Variants in PACS2 observed in about 807,000 individuals in gnomAD.
The protein encoded by PACS2 is PACS1-like protein.
In PACS2, 36 loss-of-function variants were observed where a neutral mutation model predicts 113.0. That is an observed-to-expected ratio of 0.32 (90% CI 0.24 to 0.42). PACS2 has a LOEUF of 0.42. PACS2 is among the 10% of genes least tolerant of loss of function. The pLI, the probability that PACS2 is intolerant of heterozygous loss-of-function variation, is 1.00. For synonymous variants in PACS2, 589 were observed against 536.1 expected (o/e 1.10, Z -1.36); for missense variants, 1,015 against 1,239.5 (o/e 0.82, Z 2.72).
intron 4 of PACS2, 26 bp from the exon 5 acceptor site, chr14:105,367,187 T>C: frequency 3.1e-6 from 5 of 1,609,944 alleles, no homozygotes; most frequent in Non-Finnish European, 4.2e-6. Flanking sequence ...CGTGCTGCTT[T>C]CTAGAACCGT....
At chr14:105,388,832 G>A (rs2081263888) in intron 19 of PACS2, 1 of 152,446 alleles carries the variant, frequency 6.6e-6, no homozygotes, top group African/African-American at 2.4e-5. Flanking sequence ...GATGCGGTCT[G>A]GCTGAGGAAG....
chr14:105,369,050 C>T (rs1245038553), intron 7 of PACS2, among the ~76,000 whole-genome samples: 1 of 152,222 alleles, frequency 6.6e-6, no homozygotes, highest in African/African-American at 2.4e-5. Context: ...CCTGGACACC[C>T]CAAGGACAGG....
At chr14:105,313,688 T>C (rs1230865011), upstream of PACS2, among the ~76,000 whole-genome samples, 1 of 152,266 alleles carries the variant, frequency 6.6e-6, no homozygotes, top group Non-Finnish European at 1.5e-5. Flanking sequence ...GGGCTGGATT[T>C]GTTTCAGTAA....
At chr14:105,313,174 C>A (rs2058396519), upstream of PACS2, among the ~76,000 whole-genome samples, 1 of 152,194 alleles carries the variant, frequency 6.6e-6, no homozygotes, top group African/African-American at 2.4e-5. Context: ...TACACAGGCA[C>A]CATGTGTCAG....
intron 4 of PACS2, among the ~76,000 whole-genome samples, chr14:105,364,440 G>A (rs1291220095): frequency 2.2e-5 from 3 of 137,170 alleles, no homozygotes; most frequent in Middle Eastern, 3.4e-3. Flanking sequence ...CGCGGTGGGC[G>A]GCGTCCCGGG....
At chr14:105,350,402 C>T (rs1374841518) in intron 2 of PACS2, among the ~76,000 whole-genome samples, 6 of 152,204 alleles carry the variant, frequency 3.9e-5, no homozygotes, top group Admixed American at 3.9e-4. Flanking sequence ...CCCATTCCTT[C>T]CTCTGCCTGT....
intron 8 of PACS2, among the ~76,000 whole-genome samples, chr14:105,374,077 C>G (rs1201099349): frequency 6.6e-6 from 1 of 151,440 alleles, no homozygotes; most frequent in Non-Finnish European, 1.5e-5. Context: ...AACACTTGAA[C>G]CTGGGAGGCA....
At chr14:105,390,179 G>C (rs2081308994) in intron 20 of PACS2, 176 bp downstream of exon 20, 1 of 683,872 alleles carries the variant, frequency 1.5e-6, no homozygotes, top group Non-Finnish European at 2.7e-6. Flanking sequence ...CTGCTGGAGT[G>C]GGGTGTGGGG....
rs1051670572 is a variant in PACS2, at chr14:105,315,116, C to T, written c.119+79C>T. The T allele has an allele frequency of 1.8e-5, 16 of 905,986 alleles. No homozygotes were observed. The highest frequency in any genetic ancestry group is 1.9e-5 in the Non-Finnish European group (14 of 746,006). 56.1% of individuals were successfully genotyped at this position (905,986 alleles called of 1,614,324 possible). On this transcript the variant is annotated intron_variant, in intron 1 of 24. Coordinates refer to ENST00000447393, the MANE Select transcript of PACS2 (RefSeq NM_001100913.3). The surrounding 1 kb of genome is among the most constrained non-coding windows in gnomAD (Gnocchi z 4.4). ...TGGCCGCGGCCTCTGCGCGCCCCATCCCCGGCCCGGGTCCCCCAGCGGAGC... is the reference window on the plus strand; with the variant it reads ...TGGCCGCGGCCTCTGCGCGCCCCATTCCCGGCCCGGGTCCCCCAGCGGAGC...
chr14:105,374,595 G>T (rs988347985), intron 8 of PACS2: 1 of 152,320 alleles, frequency 6.6e-6, no homozygotes, highest in Middle Eastern at 3.4e-3. Flanking sequence ...CTGAGAAGTC[G>T]ACCAGGAAGC....
intron 1 of PACS2, among the ~76,000 whole-genome samples, chr14:105,327,345 G>GCTA (rs2140885533): frequency 6.6e-6 from 1 of 152,332 alleles, no homozygotes; most frequent in East Asian, 1.9e-4. Context: ...ACTGCCTGCT[G>GCTA]CGCTGACTGC....
chr14:105,382,869 C>T lies in PACS2; in HGVS notation c.1581C>T (p.Asp527=), dbSNP rs1555412451. 8 of 1,607,300 alleles carry T rather than the reference C, an allele frequency of 5.0e-6. No homozygotes were observed. The highest frequency in any genetic ancestry group is 1.7e-4 in the Middle Eastern group (1 of 6,056). Residue 527 remains aspartate, a synonymous_variant, in exon 15 of 25, where the codon GAC becomes GAT. Transcript: ENST00000447393. ...LPVVCTCSPA[D]VQAAFSTIVS... ...TGGTGTGCACGTGCTCTCCTGCGGA[C>T]GTCCAGGCGGCCTTCAGCACCATCG...
rs2081546535 is a variant in PACS2 at position 105,396,942 on chromosome 14, G to C, written c.*2270G>C. The C allele has an allele frequency of 6.6e-6, 1 of 152,276 alleles. No homozygotes were observed. Among genetic ancestry groups the C allele is most frequent in the Admixed American group, 6.5e-5 (1 of 15,288 alleles). The allele number at this position is 152,276 out of a possible 1,614,324, so 9.4% of individuals were successfully genotyped here. On this transcript the variant is annotated 3_prime_UTR_variant, in exon 25 of 25. Transcript: ENST00000447393. ...GCCTAGTGCATCCTGGCTGTGGGCAGCCCCTTTCCTGGAGCCCTCCTGCCT... is the reference window on the plus strand; with the variant it reads ...GCCTAGTGCATCCTGGCTGTGGGCACCCCCTTTCCTGGAGCCCTCCTGCCT...
chr14:105,345,028 G>A (rs2059867950), intron 1 of PACS2, among the ~76,000 whole-genome samples: 1 of 151,948 alleles, frequency 6.6e-6, no homozygotes, highest in Admixed American at 6.6e-5. Flanking sequence ...AGAATCGTTT[G>A]AACCCAGGAG....
intron 4 of PACS2, among the ~76,000 whole-genome samples, chr14:105,362,794 T>C (rs988552189): frequency 3.3e-5 from 5 of 152,072 alleles, no homozygotes; most frequent in Admixed American, 6.6e-5. Flanking sequence ...GAGGTTGTAG[T>C]GAGCCAAGAT....
Position 105,380,948 on chromosome 14 carries a change from GC to G in PACS2, c.1126-8del, listed in dbSNP as rs782059494. ...CACGGGAGGCTCCAGGCCCGTCTCT[GC>G]TCAGCAGGGTGTGCCAGGCCCGAGG... On this transcript the variant is annotated splice_region_variant and splice_polypyrimidine_tract_variant and intron_variant, in intron 11 of 24. Transcript: ENST00000447393. The G allele has an allele frequency of 1.2e-6, 2 of 1,608,008 alleles. No homozygotes were observed. Among genetic ancestry groups the G allele is most frequent in the Non-Finnish European group, 1.7e-6 (2 of 1,176,994 alleles).
chr14:105,394,400 G>A (rs1299428444), intron 24 of PACS2, 154 bp from the exon 25 acceptor site: 284 of 985,158 alleles, frequency 2.9e-4, no homozygotes, highest in Non-Finnish European at 3.3e-4. Flanking sequence ...TGGAGCCCCC[G>A]AGTCCCTGAG....
In PACS2 at chr14:105,317,326, G is replaced by A. The variant is rs587665851; in HGVS notation, c.119+2289G>A. 6.6e-6 allele frequency among the ~76,000 whole-genome samples: 1 copy of A among 152,280 alleles called. No homozygotes were observed. Among genetic ancestry groups the A allele is most frequent in the African/African-American group, 2.4e-5 (1 of 41,546 alleles). ...CTTCTGCGTGTGTCTTTCTGGATGG[G>A]CAGGGCCTGTCTTAAGCATGTACCG... is the stretch of plus-strand genomic sequence containing the variant. On this transcript the variant is annotated intron_variant, in intron 1 of 24. Coordinates refer to ENST00000447393, the MANE Select transcript of PACS2 (RefSeq NM_001100913.3). The surrounding 1 kb of genome is among the most constrained non-coding windows in gnomAD (Gnocchi z 4.2).
intron 8 of PACS2, among the ~76,000 whole-genome samples, chr14:105,374,134 G>A (rs11628873): frequency 0.013 from 1,828 of 145,120 alleles, 21 homozygotes; most frequent in Middle Eastern, 0.042. Context: ...CAGCCTGGGC[G>A]ACACAGCGAG....
Sources: allele counts gnomAD v4.1 joint callset (sites outside exome capture counted in the v4.1 genomes callset), GRCh38; gene constraint gnomAD v4.1.1; non-coding constraint Gnocchi (gnomAD v3.1); transcripts MANE v1.5; gene names NCBI Gene and HGNC (gene_info 2026-07-23, HGNC 2026-07-21).